The following MAP2K5 variants were observed in gnomAD, a reference collection of about 807,000 sequenced individuals.
MAP2K5 encodes the protein dual specificity mitogen-activated protein kinase kinase 5.
MAP2K5 carries 49 observed loss-of-function variants against 83.1 expected under a neutral mutation model. That is an observed-to-expected ratio of 0.59 (90% CI 0.47 to 0.75). MAP2K5 has a LOEUF of 0.75. Ranked by LOEUF, MAP2K5 falls within the 30% of genes least tolerant of loss-of-function variation. The probability of loss-of-function intolerance (pLI) is 0.00; values close to 1 mark genes in which losing one functional copy is unlikely to be tolerated. For synonymous variants in MAP2K5, 202 were observed against 191.8 expected (o/e 1.05, Z -0.44); for missense variants, 457 against 557.5 (o/e 0.82, Z 1.82).
rs960280946 is a variant in MAP2K5, at chr15:67,562,144, C to G, written c.185-1139C>G. On this transcript the variant is annotated intron_variant, in intron 2 of 21. Transcript: ENST00000178640. The surrounding 1 kb of genome is among the most constrained non-coding windows in gnomAD (Gnocchi z 4.1). The stretch of plus-strand genomic sequence containing the variant: ...TGAGAGCCTGCCCCTTCCAAGTTGT[C>G]CCCTTGGGAGGCTCTGTACGTTGCT... Among the ~76,000 whole-genome samples, 6 of 152,216 alleles carry G rather than the reference C, an allele frequency of 3.9e-5. No individual in the cohort carries two copies. The highest frequency in any genetic ancestry group is 1.4e-4 in the African/African-American group (6 of 41,462).
At chr15:67,696,434 A>G (rs2088262506) in intron 15 of MAP2K5, among the ~76,000 whole-genome samples, 1 of 152,194 alleles carries the variant, frequency 6.6e-6, no homozygotes, top group Admixed American at 6.5e-5. Context: ...ATAACATGAA[A>G]AATATTTACT....
chr15:67,676,783 G>T lies in MAP2K5; in HGVS notation c.847+12138G>T, dbSNP rs1343997999. ...AAGGCTCAAGCAGCCTAAAAAACTT[G>T]CTTAGTTATAGGAAAAGTCATAGGA... On this transcript the variant is annotated intron_variant, in intron 13 of 21. Transcript: ENST00000178640. The surrounding 1 kb of genome is among the most constrained non-coding windows in gnomAD (Gnocchi z 4.8). Among the ~76,000 whole-genome samples the T allele has an allele frequency of 6.6e-6, 1 of 152,080 alleles. No homozygotes were observed. The highest frequency in any genetic ancestry group is 1.5e-5 in the Non-Finnish European group (1 of 68,006).
chr15:67,756,560 TGTTGA>T lies in MAP2K5; in HGVS notation c.1134+7960_1134+7964del, dbSNP rs1233335579. ...GTGTGTGTGTGTGTGTGTGTGTGTG[TGTTGA>T]TAACACTTACGATCTACTCCCTTGG... On this transcript the variant is annotated intron_variant, in intron 19 of 21. Coordinates refer to ENST00000178640, the MANE Select transcript of MAP2K5 (RefSeq NM_145160.3). Among the ~76,000 whole-genome samples, 4 of 67,114 alleles carry T rather than the reference TGTTGA, an allele frequency of 6.0e-5. No homozygotes were observed. The East Asian group carries it at 1.4e-3, about 24-fold the overall frequency. The allele number at this position is 67,114 out of a possible 152,430, so 44.0% of individuals were successfully genotyped here.
intron 2 of MAP2K5, among the ~76,000 whole-genome samples, chr15:67,553,227 G>T (rs1256278091): frequency 6.6e-6 from 1 of 152,124 alleles, no homozygotes; most frequent in South Asian, 2.1e-4. Flanking sequence ...GTGATTGCTT[G>T]GAACGGTGAA....
chr15:67,654,240 A>G (rs1048771305), intron 11 of MAP2K5, among the ~76,000 whole-genome samples: 3 of 152,034 alleles, frequency 2.0e-5, no homozygotes, highest in Admixed American at 6.6e-5. Context: ...TATAATTGTT[A>G]TATCTTCTTG....
At chr15:67,602,275 G>A (rs1216101152) in intron 8 of MAP2K5, among the ~76,000 whole-genome samples, 1 of 152,186 alleles carries the variant, frequency 6.6e-6, no homozygotes, top group Non-Finnish European at 1.5e-5. Context: ...GAGGAAGAAG[G>A]AACATGTATA....
intron 8 of MAP2K5, among the ~76,000 whole-genome samples, chr15:67,603,924 A>T (rs1204775632): frequency 6.6e-6 from 1 of 152,170 alleles, no homozygotes; most frequent in African/African-American, 2.4e-5. Flanking sequence ...GGCTTATTCC[A>T]TTTTTTTCTT....
intron 1 of MAP2K5, among the ~76,000 whole-genome samples, chr15:67,547,429 A>G (rs1015363469): frequency 1.3e-5 from 2 of 151,414 alleles, no homozygotes; most frequent in African/African-American, 4.9e-5. Flanking sequence ...CATCATCAAA[A>G]TATGTAAACT....
At chr15:67,582,295 C>T (rs1334240185) in intron 4 of MAP2K5, among the ~76,000 whole-genome samples, 1 of 152,026 alleles carries the variant, frequency 6.6e-6, no homozygotes, top group African/African-American at 2.4e-5. Flanking sequence ...CTCCTGACCT[C>T]ATGATCCACT....
At chr15:67,582,693 C>T (rs1293972060) in intron 4 of MAP2K5, among the ~76,000 whole-genome samples, 1 of 151,994 alleles carries the variant, frequency 6.6e-6, no homozygotes. Context: ...GTGGTGCACA[C>T]TCCTGTTGTC....
At position 67,640,527 on chromosome 15, in the gene MAP2K5, A is replaced by T. The variant is rs2086689112; in HGVS notation, c.586-5704A>T. ...TGCCTGATGTCACAGAGGATTGTGAAGAGCAGCAAATCACAGTCCTTGTCC... is the reference window on the plus strand; with the variant it reads ...TGCCTGATGTCACAGAGGATTGTGATGAGCAGCAAATCACAGTCCTTGTCC... On this transcript the variant is annotated intron_variant, in intron 9 of 21. Coordinates refer to ENST00000178640, the MANE Select transcript of MAP2K5 (RefSeq NM_145160.3). This position sits in a 1 kb window ranked among gnomAD's most constrained non-coding sequence, Gnocchi z 4.6. 2 of 957,530 alleles carry T rather than the reference A, an allele frequency of 2.1e-6. No individual in the cohort carries two copies. The highest frequency in any genetic ancestry group is 2.5e-6 in the Non-Finnish European group (2 of 804,620). The allele number at this position is 957,530 out of a possible 1,614,324, so 59.3% of individuals were successfully genotyped here. A position where few individuals can be genotyped will look rare whatever the true frequency, so the allele number is the denominator to read the frequency against.
chr15:67,649,293 TATCAG>T (rs2086901342), intron 11 of MAP2K5, among the ~76,000 whole-genome samples: 1 of 152,196 alleles, frequency 6.6e-6, no homozygotes, highest in African/African-American at 2.4e-5. Context: ...ACTTGGCTCT[TATCAG>T]ATATGGGATT....
intron 13 of MAP2K5, among the ~76,000 whole-genome samples, chr15:67,670,215 A>G (rs1393700210): frequency 6.6e-6 from 1 of 152,196 alleles, no homozygotes; most frequent in East Asian, 1.9e-4. Context: ...GATTCCACTT[A>G]TATGACATTC....
At chr15:67,622,477 TATA>T (rs930680401) in intron 8 of MAP2K5, among the ~76,000 whole-genome samples, 16 of 152,232 alleles carry the variant, frequency 1.1e-4, no homozygotes, top group African/African-American at 3.6e-4. Flanking sequence ...TGGAGATGAG[TATA>T]ATAACTTCTA....
chr15:67,664,680 G>A lies in MAP2K5; in HGVS notation c.847+35G>A. 1.3e-6 allele frequency: 2 copies of A among 1,505,350 alleles called. 1 individual carries two copies. Among genetic ancestry groups the A allele is most frequent in the South Asian group, 2.3e-5 (2 of 87,072 alleles). 93.2% of individuals were successfully genotyped at this position (1,505,350 alleles called of 1,614,324 possible). Reference sequence around the variant, plus strand: ...GGGCTTATAAGCTTGGATTTAATTTGGGGTGGGGTTGGGTCTCTCCAGATA... The same window carrying A: ...GGGCTTATAAGCTTGGATTTAATTTAGGGTGGGGTTGGGTCTCTCCAGATA... On this transcript the variant is annotated intron_variant, in intron 13 of 21. Transcript: ENST00000178640.
chr15:67,791,422 G>C (rs2090516349), intron 21 of MAP2K5, among the ~76,000 whole-genome samples: 1 of 152,116 alleles, frequency 6.6e-6, no homozygotes, highest in Non-Finnish European at 1.5e-5. Context: ...AGAAACTTGG[G>C]CTCAGGCATC....
At chr15:67,714,693 TTAC>T (rs1187339106) in intron 16 of MAP2K5, among the ~76,000 whole-genome samples, 2 of 152,202 alleles carry the variant, frequency 1.3e-5, no homozygotes, top group Non-Finnish European at 2.9e-5. Flanking sequence ...GAGTGAAATC[TTAC>T]TACATGTTGA....
intron 1 of MAP2K5, chr15:67,549,163 A>C (rs2084458703): frequency 6.5e-7 from 1 of 1,535,532 alleles, no homozygotes; most frequent in Admixed American, 2.0e-5. Context: ...TTTGCAGGCC[A>C]TTGGAGTTGG....
chr15:67,737,098 G>A (rs2089358571), intron 17 of MAP2K5, among the ~76,000 whole-genome samples: 1 of 152,230 alleles, frequency 6.6e-6, no homozygotes, highest in Non-Finnish European at 1.5e-5. Context: ...TCCAGAGACT[G>A]TGAGTCTAAA....
Sources: allele counts gnomAD v4.1 joint callset (sites outside exome capture counted in the v4.1 genomes callset), GRCh38; gene constraint gnomAD v4.1.1; non-coding constraint Gnocchi (gnomAD v3.1); transcripts MANE v1.5; gene names NCBI Gene and HGNC (gene_info 2026-07-23, HGNC 2026-07-21).